MYO9A: variants seen among roughly 807,000 people sequenced by gnomAD.
MYO9A encodes the protein unconventional myosin-IXa.
In MYO9A, 103 loss-of-function variants were observed where a neutral mutation model predicts 293.3. The observed-to-expected ratio is 0.35, with a 90% confidence interval of 0.30 to 0.41. MYO9A has a LOEUF of 0.41. Ranked by LOEUF, MYO9A falls within the 10% of genes least tolerant of loss-of-function variation. MYO9A has a pLI of 1.00. For missense variants in MYO9A, 2,685 were observed against 3,033.0 expected, an observed-to-expected ratio of 0.89 and a Z score of 2.69; for synonymous variants, 1,001 against 1,035.7, an observed-to-expected ratio of 0.97 and a Z score of 0.64.
chr15:71,841,662 G>GAGAT (rs763226887), intron 39 of MYO9A, among the ~76,000 whole-genome samples: 4 of 150,692 alleles, frequency 2.7e-5, no homozygotes, highest in South Asian at 4.2e-4. Context: ...TTATTTTTTT[G>GAGAT]AGATAGGGTC....
intron 40 of MYO9A, 55 bp downstream of exon 40, chr15:71,830,053 AG>A (rs1254210866): frequency 6.5e-7 from 1 of 1,532,158 alleles, no homozygotes; most frequent in Non-Finnish European, 9.0e-7. Context: ...AAACGATAGA[AG>A]GAAGGAAACA....
rs1024479914 is a variant in MYO9A, at chr15:71,897,582, T to C, written c.4921A>G (p.Ile1641Val). ...NVACKLSNNRISKREHFRPTQ... is the reference protein window; with the variant it reads ...NVACKLSNNRVSKREHFRPTQ... ...GGCCTAAAGTGTTCTCTTTTTGAAA[T>C]GCGATTATTTGAGAGTTTACAGGCT... The change falls in exon 25 of 42, where the codon ATT becomes GTT. Residue 1641 changes from isoleucine to valine, a missense_variant. Transcript: ENST00000356056. 1.2e-6 allele frequency: 2 copies of C among 1,614,160 alleles called. No individual in the cohort carries two copies. The highest frequency in any genetic ancestry group is 8.5e-7 in the Non-Finnish European group (1 of 1,180,022).
intron 19 of MYO9A, among the ~76,000 whole-genome samples, chr15:71,914,150 T>A (rs752490739): frequency 1.2e-4 from 18 of 152,166 alleles, no homozygotes; most frequent in Non-Finnish European, 1.9e-4. Context: ...CCTCTACCTT[T>A]CTATCTCCAT....
intron 39 of MYO9A, among the ~76,000 whole-genome samples, chr15:71,837,188 G>C (rs990719771): frequency 6.6e-6 from 1 of 152,018 alleles, no homozygotes; most frequent in Non-Finnish European, 1.5e-5. Flanking sequence ...CCATGATCTA[G>C]GGCAGGTGAT....
At chr15:72,097,939 T>TA (rs937436623) in intron 1 of MYO9A, among the ~76,000 whole-genome samples, 8 of 151,570 alleles carry the variant, frequency 5.3e-5, no homozygotes, top group Non-Finnish European at 7.4e-5. Flanking sequence ...AAAATTTTTT[T>TA]AAAAAAAAGA....
chr15:72,118,236 G>C (rs1033538621), upstream of MYO9A: 1 of 335,284 alleles, frequency 3.0e-6, no homozygotes. Context: ...AGAGTACAGC[G>C]TGCGCTTGCG....
chr15:71,897,761 T>C lies in MYO9A; in HGVS notation c.4742A>G (p.Asp1581Gly), dbSNP rs2057372122. Residue 1581 changes from aspartate to glycine, a missense_variant, in exon 25 of 42, where the codon GAT becomes GGT. Physicochemically the swap from Asp to Gly is moderately conservative, Grantham distance 94. Around this residue, in one of 10 missense-constraint regions of MYO9A, gnomAD observed 1,434 missense variants for 1,497.7 expected, o/e 0.96. Transcript: ENST00000356056. ...ACTGTCTTTTTGGGCAAGAGCTGCA[T>C]CTTTTAATGATAGGGACCCCAGTAC... ...LNVLGSLSLK[D>G]AALAQKDSSS... 1.9e-6 allele frequency: 3 copies of C among 1,614,124 alleles called. No homozygotes were observed. Among genetic ancestry groups the C allele is most frequent in the Non-Finnish European group, 1.7e-6 (2 of 1,180,036 alleles).
intron 1 of MYO9A, 70 bp from the exon 2 acceptor site, chr15:72,046,704 G>C: frequency 9.6e-7 from 1 of 1,042,588 alleles, no homozygotes; most frequent in Non-Finnish European, 1.3e-6. Context: ...AGAAAGAAAA[G>C]CTTAACAAGC....
chr15:72,014,353 T>C (rs1203219772), intron 6 of MYO9A, among the ~76,000 whole-genome samples: 4 of 152,180 alleles, frequency 2.6e-5, no homozygotes, highest in Admixed American at 6.5e-5. Context: ...ACACTAGTAG[T>C]TATAAAAATG....
At chr15:71,897,078 C>G (rs1390245857) in intron 25 of MYO9A, 1 of 174,480 alleles carries the variant, frequency 5.7e-6, no homozygotes, top group East Asian at 1.5e-4. Context: ...AATAGGCCAA[C>G]AGCTGTAACA....
intron 12 of MYO9A, among the ~76,000 whole-genome samples, chr15:71,971,683 A>G (rs2076015850): frequency 6.6e-6 from 1 of 151,814 alleles, no homozygotes; most frequent in South Asian, 2.1e-4. Flanking sequence ...GAACATCATC[A>G]TGTACCATTG....
chr15:71,851,302 A>T lies in MYO9A; in HGVS notation c.6532T>A (p.Ser2178Thr), dbSNP rs80028569. ...TCCAGTGTATTGAGATGAGTTCGGG[A>T]GAGTTGATCAATCACAGAGTATACA... ...RGVYSVIDQL[S>T]RTHLNTLERL... Residue 2178 changes from serine to threonine, a missense_variant, in exon 37 of 42, where the codon TCC (serine) becomes ACC (threonine). By Grantham distance (58) the Ser-to-Thr change is moderately conservative. Coordinates refer to ENST00000356056, the MANE Select transcript of MYO9A (RefSeq NM_006901.4). 2,382 of 1,614,046 alleles carry T rather than the reference A, an allele frequency of 1.5e-3. 33 individuals are homozygous for T. The East Asian group carries it at 0.017, about 12-fold the overall frequency.
intron 2 of MYO9A, among the ~76,000 whole-genome samples, chr15:72,037,556 T>C (rs934013611): frequency 6.6e-6 from 1 of 152,126 alleles, no homozygotes; most frequent in African/African-American, 2.4e-5. Context: ...TAGTAAAGAC[T>C]GGAGGCCTTA....
At chr15:71,924,031 T>C (rs2058223969) in intron 18 of MYO9A, among the ~76,000 whole-genome samples, 1 of 149,900 alleles carries the variant, frequency 6.7e-6, no homozygotes, top group Non-Finnish European at 1.5e-5. Context: ...CCATAGGTTT[T>C]AGTACATTGC....
rs201662393 is a variant in MYO9A, at chr15:72,117,318, CTT to C, written c.-72+360_-72+361del. ...GCAATGGGTTAGGGGGCGGTCGAGA[CTT>C]TGCCTGAGAACTGTAATCACGTCAG... On this transcript the variant is annotated intron_variant, in intron 1 of 41. Coordinates refer to ENST00000356056, the MANE Select transcript of MYO9A (RefSeq NM_006901.4). Among the ~76,000 whole-genome samples, 1,379 of 152,252 alleles carry C rather than the reference CTT, an allele frequency of 9.1e-3. 19 individuals carry two copies. The highest frequency in any genetic ancestry group is 0.011 in the Admixed American group (174 of 15,296).
At chr15:71,830,078 A>C in intron 40 of MYO9A, 31 bp downstream of exon 40, 1 of 1,602,338 alleles carries the variant, frequency 6.2e-7, no homozygotes, top group African/African-American at 1.3e-5. Flanking sequence ...ACAGACTATA[A>C]CTGTCTCTCC....
intron 14 of MYO9A, chr15:71,959,127 A>G (rs986848200): frequency 2.6e-5 from 4 of 152,218 alleles, no homozygotes; most frequent in African/African-American, 9.6e-5. Context: ...GGTTTGAGAT[A>G]GTCCTTTTAT....
intron 1 of MYO9A, among the ~76,000 whole-genome samples, chr15:72,109,194 T>A (rs1596600126): frequency 1.3e-5 from 2 of 151,698 alleles, no homozygotes; most frequent in South Asian, 4.2e-4. Flanking sequence ...GTCGAGACCA[T>A]CCTGACTAAC....
intron 2 of MYO9A, among the ~76,000 whole-genome samples, chr15:72,034,349 G>A (rs2077975485): frequency 6.6e-6 from 1 of 152,156 alleles, no homozygotes; most frequent in Admixed American, 6.5e-5. Flanking sequence ...TATTATGCAT[G>A]CATTTACATT....
Sources: allele counts gnomAD v4.1 joint callset (sites outside exome capture counted in the v4.1 genomes callset), GRCh38; gene constraint gnomAD v4.1.1; regional missense constraint gnomAD v4.1.1; transcripts MANE v1.5; gene names NCBI Gene and HGNC (gene_info 2026-07-23, HGNC 2026-07-21).